BMP2K: variants seen among roughly 807,000 people sequenced by gnomAD.
BMP2K encodes the protein BMP-2-inducible protein kinase.
BMP2K carries 74 observed loss-of-function variants against 116.0 expected under a neutral mutation model. That is an observed-to-expected ratio of 0.64 (90% CI 0.53 to 0.77). The LOEUF (loss-of-function observed/expected upper bound fraction) is 0.77. BMP2K is among the 30% of genes least tolerant of loss of function. The pLI, the probability that BMP2K is intolerant of heterozygous loss-of-function variation, is 0.00. For missense variants in BMP2K, 1,365 were observed against 1,403.6 expected, an observed-to-expected ratio of 0.97 and a Z score of 0.44; for synonymous variants, 486 against 502.5, an observed-to-expected ratio of 0.97 and a Z score of 0.44.
At chr4:78,789,016 C>T (rs531366076) in intron 1 of BMP2K, among the ~76,000 whole-genome samples, 3 of 149,688 alleles carry the variant, frequency 2.0e-5, no homozygotes, top group African/African-American at 7.4e-5. Flanking sequence ...CTTTGGAAGA[C>T]GAAATATAGG....
chr4:78,815,977 A>G (rs562517504), intron 1 of BMP2K, among the ~76,000 whole-genome samples: 13 of 152,314 alleles, frequency 8.5e-5, no homozygotes, highest in Non-Finnish European at 1.5e-4. Context: ...CATGTTTTAC[A>G]GTTGTTTCTT....
chr4:78,871,185 A>G (rs1732338762), intron 11 of BMP2K, 125 bp downstream of exon 11: 3 of 1,466,202 alleles, frequency 2.0e-6, no homozygotes, highest in Non-Finnish European at 1.8e-6. Flanking sequence ...ACTTTCCCCA[A>G]TTTTCTAATT....
At chr4:78,783,829 A>T (rs1178874464) in intron 1 of BMP2K, among the ~76,000 whole-genome samples, 1 of 152,006 alleles carries the variant, frequency 6.6e-6, no homozygotes, top group African/African-American at 2.4e-5. Context: ...AAATAAATAA[A>T]TAATAAATAA....
rs1734583153 is a variant in BMP2K, at chr4:78,911,311, A to G, written c.2764A>G (p.Ile922Val). ...CHAVGPEAHT[I>V]PGYPKSVDVF... Reference sequence around the variant, plus strand: ...TGCAGTGGGGCCTGAGGCACATACTATCCCTGGTTATCCCAAAAGTGTAGA... The same window carrying G: ...TGCAGTGGGGCCTGAGGCACATACTGTCCCTGGTTATCCCAAAAGTGTAGA... Residue 922 changes from isoleucine (I) to valine (V), a missense_variant, in exon 16 of 16, where the codon ATC (isoleucine) becomes GTC (valine). By Grantham distance (29) the Ile-to-Val change is conservative (BLOSUM62 3). This residue lies in a region of BMP2K where 596 missense variants were observed against 623.2 expected (regional missense o/e 0.96). Coordinates refer to ENST00000502613, the MANE Select transcript of BMP2K (RefSeq NM_198892.2). The G allele has an allele frequency of 1.9e-6, 3 of 1,613,816 alleles. No individual in the cohort carries two copies. The highest frequency in any genetic ancestry group is 2.5e-6 in the Non-Finnish European group (3 of 1,179,862).
rs1037365626 is a variant in BMP2K at position 78,805,834 on chromosome 4, G to T, written c.179-20203G>T. Among the ~76,000 whole-genome samples, 6 of 152,062 alleles carry T rather than the reference G, an allele frequency of 3.9e-5. 1 individual carries two copies. Among genetic ancestry groups the T allele is most frequent in the Admixed American group, 3.3e-4 (5 of 15,268 alleles). ...AAAATACAAAAAATTAGCCGGGCAC[G>T]GTGGCGGGCGTTTGTAGTTCCAGCT... On this transcript the variant is annotated intron_variant, in intron 1 of 15. Transcript: ENST00000502613.
At chr4:78,852,805 G>C (rs781407954) in intron 7 of BMP2K, among the ~76,000 whole-genome samples, 7 of 151,962 alleles carry the variant, frequency 4.6e-5, no homozygotes, top group Non-Finnish European at 7.4e-5. Flanking sequence ...GGGTTTTGCT[G>C]TATGCCCAGG....
chr4:78,797,893 G>A (rs1728374668), intron 1 of BMP2K, among the ~76,000 whole-genome samples: 1 of 152,034 alleles, frequency 6.6e-6, no homozygotes, highest in Non-Finnish European at 1.5e-5. Context: ...TGATCATAGA[G>A]CTCTCTGCAG....
At chr4:78,866,252 C>T (rs759076795) in intron 10 of BMP2K, among the ~76,000 whole-genome samples, 2 of 152,056 alleles carry the variant, frequency 1.3e-5, no homozygotes, top group Non-Finnish European at 2.9e-5. Flanking sequence ...AAATTTTTCC[C>T]CCCAAAGAAA....
intron 1 of BMP2K, among the ~76,000 whole-genome samples, chr4:78,795,229 G>C (rs1175523140): frequency 6.6e-6 from 1 of 152,020 alleles, no homozygotes; most frequent in African/African-American, 2.4e-5. Flanking sequence ...TCACACATAC[G>C]GTGTCCCATT....
At chr4:78,832,792 C>T (rs1730272956) in intron 2 of BMP2K, among the ~76,000 whole-genome samples, 1 of 152,012 alleles carries the variant, frequency 6.6e-6, no homozygotes, top group Admixed American at 6.5e-5. Context: ...TTTGATGATT[C>T]ATCCCCATTA....
intron 1 of BMP2K, among the ~76,000 whole-genome samples, chr4:78,809,749 A>G (rs1029547147): frequency 3.3e-5 from 5 of 150,394 alleles, no homozygotes; most frequent in Admixed American, 1.3e-4. Context: ...GTGAGCCATC[A>G]TTTTCATACC....
In BMP2K at chr4:78,826,094, A is replaced by C; in HGVS notation, c.236A>C (p.Lys79Thr). 6.2e-7 allele frequency: 1 copy of C among 1,614,218 alleles called. No individual in the cohort carries two copies. Among genetic ancestry groups the C allele is most frequent in the South Asian group, 1.1e-5 (1 of 91,080 alleles). ...RTHGGIRCAL[K>T]RMYVNNMPDL... ...CACGGTGGAATCCGATGTGCATTGA[A>C]GCGAATGTATGTCAATAACATGCCA... is the stretch of plus-strand genomic sequence containing the variant. The change falls in exon 2 of 16, where the codon AAG (lysine) becomes ACG (threonine). Residue 79 changes from lysine to threonine, a missense_variant. Lys to Thr is a moderately conservative substitution (Grantham distance 78). This residue lies in a region of BMP2K where 762 missense variants were observed against 756.7 expected (regional missense o/e 1.01). Transcript: ENST00000502613.
At chr4:78,859,499 C>T (rs993508827) in intron 7 of BMP2K, 85 bp from the exon 8 acceptor site, 5 of 809,062 alleles carry the variant, frequency 6.2e-6, no homozygotes, top group Non-Finnish European at 7.5e-6. Context: ...ACAGAAAATA[C>T]ATATTTTTTA....
At chr4:78,812,656 C>G (rs978284434) in intron 1 of BMP2K, among the ~76,000 whole-genome samples, 1 of 152,236 alleles carries the variant, frequency 6.6e-6, no homozygotes, top group African/African-American at 2.4e-5. Flanking sequence ...ATGCAACCCA[C>G]TGCATATGAA....
At chr4:78,858,673 A>G (rs973260579) in intron 7 of BMP2K, among the ~76,000 whole-genome samples, 1 of 151,930 alleles carries the variant, frequency 6.6e-6, no homozygotes, top group Non-Finnish European at 1.5e-5. Context: ...ACCCATTTAC[A>G]TACTTAGATC....
At chr4:78,884,245 T>A (rs1292026358) in intron 14 of BMP2K, among the ~76,000 whole-genome samples, 1 of 152,182 alleles carries the variant, frequency 6.6e-6, no homozygotes. Flanking sequence ...GAGGATCGCT[T>A]GAACCTGAGA....
chr4:78,893,967 CA>C (rs1335826884), intron 15 of BMP2K, among the ~76,000 whole-genome samples: 5 of 152,304 alleles, frequency 3.3e-5, no homozygotes, highest in African/African-American at 9.6e-5. Flanking sequence ...ACTTCTCCAT[CA>C]GAGCTCTTGG....
At position 78,911,075 on chromosome 4, in the gene BMP2K, C is replaced by T. The variant is rs755274270; in HGVS notation, c.2528C>T (p.Ser843Phe). ...NTILLTSAQL[S>F]SDVAVETPKQ... ...ATACTCCTCACCTCAGCCCAATTAT[C>T]CTCTGATGTTGCAGTGGAGACTCCC... Residue 843 changes from serine (S) to phenylalanine (F), a missense_variant, in exon 16 of 16, where the codon TCC becomes TTC. By Grantham distance (155) the Ser-to-Phe change is radical. This residue lies in a region of BMP2K where 596 missense variants were observed against 623.2 expected (regional missense o/e 0.96). Transcript: ENST00000502613. 3.1e-6 allele frequency: 5 copies of T among 1,613,986 alleles called. No homozygotes were observed. Among genetic ancestry groups the T allele is most frequent in the Non-Finnish European group, 3.4e-6 (4 of 1,179,880 alleles).
At chr4:78,881,124 G>A (rs1047719364) in intron 14 of BMP2K, among the ~76,000 whole-genome samples, 1 of 152,148 alleles carries the variant, frequency 6.6e-6, no homozygotes, top group Non-Finnish European at 1.5e-5. Context: ...ATAAACTGGG[G>A]ATAATGATGC....
Sources: allele counts gnomAD v4.1 joint callset (sites outside exome capture counted in the v4.1 genomes callset), GRCh38; gene constraint gnomAD v4.1.1; regional missense constraint gnomAD v4.1.1; transcripts MANE v1.5; gene names NCBI Gene and HGNC (gene_info 2026-07-23, HGNC 2026-07-21).